CR1: variants seen among roughly 807,000 people sequenced by gnomAD.
The protein encoded by CR1 is complement C3b/C4b receptor 1 (Knops blood group).
Under a neutral mutation model 187.3 loss-of-function variants are expected in CR1, and 116 were observed. The observed-to-expected ratio is 0.62, with a 90% CI of 0.53 to 0.72. The LOEUF is 0.72. CR1 is among the 30% of genes least tolerant of loss of function. CR1 has a pLI of 0.00. For synonymous variants in CR1, 576 were observed against 747.1 expected (o/e 0.77, Z 3.73); for missense variants, 1,731 against 2,110.7 (o/e 0.82, Z 3.52).
Position 207,574,051 on chromosome 1 carries a change from T to G in CR1, c.4452-1544T>G, listed in dbSNP as rs1660659208. On this transcript the variant is annotated intron_variant, in intron 27 of 46. Coordinates refer to ENST00000367049, the MANE Select transcript of CR1 (RefSeq NM_000651.6). ...AGGAGACTAAAGTGGGAGGATCACCTGAGCCCAGGAGGCTGAGGCTTCAGT... is the reference window on the plus strand; with the variant it reads ...AGGAGACTAAAGTGGGAGGATCACCGGAGCCCAGGAGGCTGAGGCTTCAGT... Among the ~76,000 whole-genome samples the G allele has an allele frequency of 2.6e-5, 4 of 152,198 alleles. No individual in the cohort carries two copies. The South Asian group carries it at 8.3e-4, about 31-fold the overall frequency.
chr1:207,619,812 T>C (rs1382694173), intron 42 of CR1, 68 bp from the exon 43 acceptor site: 26 of 1,421,898 alleles, frequency 1.8e-5, no homozygotes, highest in Non-Finnish European at 2.3e-5. Flanking sequence ...TATTTTCTCC[T>C]ATTCTCGCAG....
At chr1:207,584,000 AAAAT>A (rs1039887708) in intron 32 of CR1, among the ~76,000 whole-genome samples, 2 of 152,218 alleles carry the variant, frequency 1.3e-5, no homozygotes, top group African/African-American at 4.8e-5. Flanking sequence ...TTTAATGAAA[AAAAT>A]AAATAAATAA....
At chr1:207,524,141 C>T (rs1660092043) in intron 5 of CR1, 132 bp downstream of exon 5, 2 of 1,563,718 alleles carry the variant, frequency 1.3e-6, no homozygotes, top group Admixed American at 3.8e-5. Flanking sequence ...AGGTAGTGAA[C>T]ATGAAATTCA....
intron 34 of CR1, among the ~76,000 whole-genome samples, 159 bp from the exon 35 acceptor site, chr1:207,588,516 T>C (rs2102354595): frequency 6.6e-6 from 1 of 152,360 alleles, no homozygotes; most frequent in Middle Eastern, 3.4e-3. Flanking sequence ...TGTTCGTAGC[T>C]ACATGATTCT....
At chr1:207,635,459 G>A (rs953484342) in intron 46 of CR1, among the ~76,000 whole-genome samples, 4 of 152,104 alleles carry the variant, frequency 2.6e-5, no homozygotes, top group African/African-American at 9.7e-5. Context: ...ATGCCTTAAA[G>A]AGCAGTATTG....
rs1332301171 is a variant in CR1 at position 207,617,507 on chromosome 1, A to ATATATATG, written c.6890-563_6890-562insATATATGT. On this transcript the variant is annotated intron_variant, in intron 41 of 46. Coordinates refer to ENST00000367049, the MANE Select transcript of CR1 (RefSeq NM_000651.6). ...AGTATATATATATATATATATATATATGTGTGTGTGTGTGTGTGTGTGTGT... is the reference window on the plus strand; with the variant it reads ...AGTATATATATATATATATATATATATATATATGTGTGTGTGTGTGTGTGTGTGTGTGT... 6.8e-4 allele frequency among the ~76,000 whole-genome samples: 32 copies of ATATATATG among 47,026 alleles called. 2 individuals carry two copies. The highest frequency in any genetic ancestry group is 6.0e-3 in the Admixed American group (20 of 3,358). The allele number at this position is 47,026 out of a possible 152,430, so 30.9% of individuals were successfully genotyped here.
intron 3 of CR1, among the ~76,000 whole-genome samples, chr1:207,510,801 T>C (rs1659589180): frequency 7.2e-6 from 1 of 139,848 alleles, no homozygotes; most frequent in Non-Finnish European, 1.5e-5. Flanking sequence ...TTTCCTTCTT[T>C]GCTTTCTTTC....
At chr1:207,606,419 A>C (rs776719904) in intron 35 of CR1, 26 of 152,230 alleles carry the variant, frequency 1.7e-4, no homozygotes, top group Non-Finnish European at 3.5e-4. Flanking sequence ...TAGGGATGGC[A>C]CCAGTAGTCT....
At chr1:207,587,042 G>A (rs143607917) in intron 33 of CR1, among the ~76,000 whole-genome samples, 22 of 152,202 alleles carry the variant, frequency 1.4e-4, no homozygotes, top group African/African-American at 4.6e-4. Flanking sequence ...CTACTCATGA[G>A]TGAATTAGCA....
rs1199028407 is a variant in CR1, at chr1:207,609,666, C to A, written c.6273C>A (p.Pro2091=). ...GCCAGACCAATGGCAGATGGGGGCC[C>A]AAGCTGCCACACTGCTCCAGGGGTG... The part of the protein sequence containing the change: ...VQCQTNGRWG[P]KLPHCSRVCQ... The change falls in exon 37 of 47, where the codon CCC becomes CCA. Residue 2091 remains proline (P), a synonymous_variant. Transcript: ENST00000367049. 7 of 1,589,736 alleles carry A rather than the reference C, an allele frequency of 4.4e-6. No individual in the cohort carries two copies. Among genetic ancestry groups the A allele is most frequent in the Non-Finnish European group, 6.0e-6 (7 of 1,168,532 alleles).
chr1:207,619,526 C>G (rs905304299), intron 42 of CR1, among the ~76,000 whole-genome samples: 1 of 152,082 alleles, frequency 6.6e-6, no homozygotes. Context: ...TGTTGTGAAG[C>G]CAGACAGAAT....
At chr1:207,602,150 G>A (rs536228305) in intron 35 of CR1, among the ~76,000 whole-genome samples, 3 of 151,944 alleles carry the variant, frequency 2.0e-5, no homozygotes, top group Non-Finnish European at 4.4e-5. Context: ...AAAATAATTT[G>A]TGGACATATT....
chr1:207,621,352 ATAT>A (rs1005123667), intron 43 of CR1, among the ~76,000 whole-genome samples: 2 of 152,204 alleles, frequency 1.3e-5, no homozygotes, highest in African/African-American at 2.4e-5. Context: ...GATGAAACTG[ATAT>A]TGTTGTGTGT....
intron 46 of CR1, among the ~76,000 whole-genome samples, chr1:207,633,796 G>A (rs1027319548): frequency 1.8e-4 from 28 of 152,306 alleles, no homozygotes; most frequent in African/African-American, 6.7e-4. Flanking sequence ...CTTTGTGTGA[G>A]CAACATGGCT....
At chr1:207,581,777 G>A in intron 31 of CR1, 141 bp from the exon 32 acceptor site, 1 of 515,768 alleles carries the variant, frequency 1.9e-6, no homozygotes, top group Non-Finnish European at 3.5e-6. Context: ...AACTAAGTGA[G>A]TTGAGTGTTT....
In CR1 at chr1:207,594,180, A is replaced by G. The variant is rs533648498; in HGVS notation, c.5810+5406A>G. 2.0e-5 allele frequency among the ~76,000 whole-genome samples: 3 copies of G among 152,338 alleles called. No homozygotes were observed. In the South Asian group the frequency reaches 6.2e-4, roughly 32 times the overall value. On this transcript the variant is annotated intron_variant, in intron 35 of 46. Transcript: ENST00000367049. ...TATGTTTATTGCAGCACTGTTCACA[A>G]TAGCAAAGACTTGGAACCAACCCAA... is the stretch of plus-strand genomic sequence containing the variant.
intron 32 of CR1, among the ~76,000 whole-genome samples, chr1:207,583,314 T>A (rs1571558661): frequency 6.6e-6 from 1 of 152,144 alleles, no homozygotes; most frequent in Non-Finnish European, 1.5e-5. Context: ...TTTAGCAACT[T>A]GGAGGTAACA....
At chr1:207,588,483 C>G (rs1661176187) in intron 34 of CR1, among the ~76,000 whole-genome samples, 192 bp from the exon 35 acceptor site, 1 of 152,134 alleles carries the variant, frequency 6.6e-6, no homozygotes, top group African/African-American at 2.4e-5. Flanking sequence ...TTAGGAGGTG[C>G]AAGATAGTCT....
chr1:207,506,130 A>C (rs1262460537), intron 2 of CR1, 47 bp downstream of exon 2: 25 of 1,593,622 alleles, frequency 1.6e-5, no homozygotes, highest in Non-Finnish European at 2.1e-5. Context: ...AAACATCTGT[A>C]AGATCTGATT....
Sources: allele counts gnomAD v4.1 joint callset (sites outside exome capture counted in the v4.1 genomes callset), GRCh38; gene constraint gnomAD v4.1.1; transcripts MANE v1.5; gene names NCBI Gene and HGNC (gene_info 2026-07-23, HGNC 2026-07-21).